WNT2B: variants seen among roughly 807,000 people sequenced by gnomAD.
WNT2B encodes Wnt family member 2B.
A neutral mutation model predicts 40.5 loss-of-function variants in WNT2B; 19 were observed. The ratio of observed to expected loss-of-function variants is 0.47; its 90% CI spans 0.33 to 0.69. The LOEUF (loss-of-function observed/expected upper bound fraction) is 0.69. Among genes scored for constraint, WNT2B ranks in the 30% least tolerant of loss-of-function variants. The pLI, the probability that WNT2B is intolerant of heterozygous loss-of-function variation, is 0.02. For synonymous variants in WNT2B, 220 were observed against 211.9 expected, an observed-to-expected ratio of 1.04 and a Z score of -0.33; for missense variants, 467 against 556.4, an observed-to-expected ratio of 0.84 and a Z score of 1.62.
rs758966099 is a variant in WNT2B at position 112,484,742 on chromosome 1, G to GA, written c.-95+17164dup. Among the ~76,000 whole-genome samples, 310 of 121,552 alleles carry GA rather than the reference G, an allele frequency of 2.6e-3. 1 individual carries two copies. The highest frequency in any genetic ancestry group is 9.5e-3 in the Middle Eastern group (2 of 210). 79.7% of individuals were successfully genotyped at this position (121,552 alleles called of 152,430 possible). ...GGGTGACAGAGCAAGACTCCCTCTT[G>GA]AAAAAAAAAAAAAGGTTTATTTCTT... On this transcript the variant is annotated intron_variant, in intron 1 of 4. Coordinates refer to the WNT2B transcript ENST00000256640.
At chr1:112,506,932 C>T (rs767816693), upstream of WNT2B, among the ~76,000 whole-genome samples, 20 of 152,228 alleles carry the variant, frequency 1.3e-4, no homozygotes, top group Non-Finnish European at 2.6e-4. Context: ...GTGGGGAGCA[C>T]TGCCTCCCAT....
intron 2 of WNT2B, 46 bp from the exon 3 acceptor site, chr1:112,516,094 A>G: frequency 1.9e-6 from 3 of 1,576,340 alleles, no homozygotes; most frequent in Non-Finnish European, 2.6e-6. Flanking sequence ...AAGGGGACAG[A>G]CATGGGCCTC....
At chr1:112,511,032 T>C (rs1219858558) in intron 1 of WNT2B, among the ~76,000 whole-genome samples, 2 of 152,152 alleles carry the variant, frequency 1.3e-5, no homozygotes, top group African/African-American at 2.4e-5. Context: ...GATATAGTCT[T>C]GGGGACCAAT....
In WNT2B at chr1:112,508,972, A is replaced by C; in HGVS notation, c.-291A>C. The C allele has an allele frequency of 1.6e-6, 2 of 1,237,814 alleles. No individual in the cohort carries two copies. Among genetic ancestry groups the C allele is most frequent in the East Asian group, 3.8e-5 (1 of 26,166 alleles). The allele number at this position is 1,237,814 out of a possible 1,614,324, so 76.7% of individuals were successfully genotyped here. On this transcript the variant is annotated 5_prime_UTR_variant, in exon 1 of 5. Coordinates refer to ENST00000369684, the MANE Select transcript of WNT2B (RefSeq NM_024494.3). This position sits in a 1 kb window ranked among gnomAD's most constrained non-coding sequence, Gnocchi z 4.2. ...CGGCCGAAGGGGCTGTCCGCACACT[A>C]GGCCCGCAGCTCCCTTCAGCGCCGC...
In WNT2B at chr1:112,509,542, C is replaced by A; in HGVS notation, c.182+98C>A. 7.4e-7 allele frequency: 1 copy of A among 1,352,328 alleles called. No individual in the cohort carries two copies. Among genetic ancestry groups the A allele is most frequent in the Non-Finnish European group, 9.7e-7 (1 of 1,030,786 alleles). 83.8% of individuals were successfully genotyped at this position (1,352,328 alleles called of 1,614,324 possible). The stretch of plus-strand genomic sequence containing the variant: ...TGCTCACGGGACCAGGCTGTTGCTT[C>A]GACGGGTTGGAGACGATTCGGGCAG... On this transcript the variant is annotated intron_variant, in intron 1 of 4. Transcript: ENST00000369684. The surrounding 1 kb of genome is among the most constrained non-coding windows in gnomAD (Gnocchi z 4.2).
chr1:112,469,316 G>T (rs938044755), intron 1 of WNT2B, among the ~76,000 whole-genome samples: 1 of 152,096 alleles, frequency 6.6e-6, no homozygotes, highest in African/African-American at 2.4e-5. Context: ...TGGCTATTCT[G>T]GCTCTTTTTT....
In WNT2B at chr1:112,521,484, A is replaced by G. The variant is rs1652879813; in HGVS notation, c.*975A>G. 6.6e-6 allele frequency: 1 copy of G among 152,272 alleles called. No individual in the cohort carries two copies. The highest frequency in any genetic ancestry group is 6.5e-5 in the Admixed American group (1 of 15,270). The allele number at this position is 152,272 out of a possible 1,614,324, so 9.4% of individuals were successfully genotyped here. On this transcript the variant is annotated 3_prime_UTR_variant, in exon 5 of 5. Coordinates refer to ENST00000369684, the MANE Select transcript of WNT2B (RefSeq NM_024494.3). Reference sequence around the variant, plus strand: ...CCCACATGAGGCATCAGTATATATTAGGCAGGTAGGGATCTCTGGCTTTGG... The same window carrying G: ...CCCACATGAGGCATCAGTATATATTGGGCAGGTAGGGATCTCTGGCTTTGG...
chr1:112,492,505 T>A (rs1293528264), intron 1 of WNT2B, among the ~76,000 whole-genome samples: 1 of 152,120 alleles, frequency 6.6e-6, no homozygotes, highest in East Asian at 1.9e-4. Context: ...ATATTGTGAG[T>A]TTTACCTCCT....
In WNT2B at chr1:112,527,927, C is replaced by T. The variant is rs1653733889; in HGVS notation, c.*7418C>T. The T allele has an allele frequency of 6.6e-6, 1 of 152,120 alleles. No homozygotes were observed. The highest frequency in any genetic ancestry group is 2.4e-5 in the African/African-American group (1 of 41,402). 9.4% of individuals were successfully genotyped at this position (152,120 alleles called of 1,614,324 possible). A position where few individuals can be genotyped will look rare whatever the true frequency, so the allele number is the denominator to read the frequency against. On this transcript the variant is annotated 3_prime_UTR_variant, in exon 5 of 5. Coordinates refer to ENST00000369684, the MANE Select transcript of WNT2B (RefSeq NM_024494.3). ...ACTCTGGGGAAACTGAAAAGGTCAT[C>T]AATAGGCCTTCAAAATATTTGTGTG... is the stretch of plus-strand genomic sequence containing the variant.
intron 1 of WNT2B, among the ~76,000 whole-genome samples, chr1:112,501,123 G>A (rs1362917445): frequency 6.6e-6 from 1 of 152,172 alleles, no homozygotes. Context: ...CAGTTTTAAG[G>A]AGTACTAGTC....
chr1:112,515,187 C>T lies in WNT2B; in HGVS notation c.403+93C>T. The T allele has an allele frequency of 7.3e-7, 1 of 1,372,764 alleles. No individual in the cohort carries two copies. Among genetic ancestry groups the T allele is most frequent in the Admixed American group, 2.0e-5 (1 of 50,126 alleles). 85.0% of individuals were successfully genotyped at this position (1,372,764 alleles called of 1,614,324 possible). A position where few individuals can be genotyped will look rare whatever the true frequency, so the allele number is the denominator to read the frequency against. On this transcript the variant is annotated intron_variant, in intron 2 of 4. Transcript: ENST00000369684. This position sits in a 1 kb window ranked among gnomAD's most constrained non-coding sequence, Gnocchi z 4.4. Reference sequence around the variant, plus strand: ...TAGGCAAGATCTCCCCTCTCCTCTCCCACACACTGTTTCATCATCAGAGAA... The same window carrying T: ...TAGGCAAGATCTCCCCTCTCCTCTCTCACACACTGTTTCATCATCAGAGAA...
At chr1:112,498,112 T>C (rs1211260409) in intron 1 of WNT2B, among the ~76,000 whole-genome samples, 1 of 151,808 alleles carries the variant, frequency 6.6e-6, no homozygotes, top group Non-Finnish European at 1.5e-5. Context: ...GTGTGTGTTG[T>C]TCCCCTCCTT....
rs142211144 is a variant in WNT2B at position 112,499,811 on chromosome 1, C to T, written c.-94-15063C>T. Among the ~76,000 whole-genome samples, 261 of 152,320 alleles carry T rather than the reference C, an allele frequency of 1.7e-3. 1 individual carries two copies. The highest frequency in any genetic ancestry group is 3.3e-3 in the Non-Finnish European group (225 of 68,026). ...AGACTCCAGAATTGTTTCTAATCAT[C>T]CAACAATCATATATTGTTCACTATT... On this transcript the variant is annotated intron_variant, in intron 1 of 4. Coordinates refer to the WNT2B transcript ENST00000256640.
chr1:112,513,331 G>T (rs1652420401), intron 1 of WNT2B, among the ~76,000 whole-genome samples: 2 of 152,330 alleles, frequency 1.3e-5, no homozygotes, highest in South Asian at 4.1e-4. Flanking sequence ...TTTGTTCCTG[G>T]AAGCTGTTGC....
At chr1:112,499,625 T>C (rs1030303512) in intron 1 of WNT2B, among the ~76,000 whole-genome samples, 2 of 152,180 alleles carry the variant, frequency 1.3e-5, no homozygotes, top group Non-Finnish European at 2.9e-5. Context: ...CAACTAGGAA[T>C]AGAGGTAAAC....
chr1:112,516,270 C>T lies in WNT2B; in HGVS notation c.534C>T (p.Asp178=). The T allele has an allele frequency of 6.2e-7, 1 of 1,614,046 alleles. No individual in the cohort carries two copies. Among genetic ancestry groups the T allele is most frequent in the Non-Finnish European group, 8.5e-7 (1 of 1,180,004 alleles). The change falls in exon 3 of 5, where the codon GAC becomes GAT. Residue 178 remains aspartate (D), a synonymous_variant. Transcript: ENST00000369684. The stretch of plus-strand genomic sequence containing the variant: ...CCTACACCCGTGGCCGACACCATGA[C>T]CAGCGTGGGGACTTTGACTGGGGTG... The part of the protein sequence containing the change: ...CDPYTRGRHH[D]QRGDFDWGGC...
Position 112,526,180 on chromosome 1 carries a change from T to C in WNT2B, c.*5671T>C, listed in dbSNP as rs1653347861. 6.2e-7 allele frequency: 1 copy of C among 1,602,594 alleles called. No individual in the cohort carries two copies. The highest frequency in any genetic ancestry group is 1.3e-5 in the African/African-American group (1 of 74,720). ...GTCCCAGGACAGCCAAGAGAGTATA[T>C]CTGAGCACAGTTTACAAAGGAACAG... On this transcript the variant is annotated 3_prime_UTR_variant, in exon 5 of 5. Transcript: ENST00000369684.
chr1:112,524,213 C>T lies in WNT2B; in HGVS notation c.*3704C>T, dbSNP rs141812668. The T allele has an allele frequency of 2.4e-3, 366 of 152,642 alleles. No homozygotes were observed. The highest frequency in any genetic ancestry group is 8.2e-3 in the African/African-American group (339 of 41,540). 9.5% of individuals were successfully genotyped at this position (152,642 alleles called of 1,614,324 possible). ...CAAATTCTCAGACCCACTCAGGACA[C>T]GAGTCTCTACATGGCTTAACAGAAG... is the stretch of plus-strand genomic sequence containing the variant. On this transcript the variant is annotated 3_prime_UTR_variant, in exon 5 of 5. Coordinates refer to ENST00000369684, the MANE Select transcript of WNT2B (RefSeq NM_024494.3).
upstream of WNT2B, chr1:112,508,682 T>A (rs1652209175): frequency 1.5e-5 from 15 of 982,630 alleles, no homozygotes; most frequent in Non-Finnish European, 1.8e-5. The surrounding 1 kb of genome is among the most constrained non-coding windows in gnomAD (Gnocchi z 4.2). Context: ...GTGGGGCTGC[T>A]GAGTGAAGGG....
Sources: gnomAD v4.1 joint callset for allele counts (sites outside exome capture counted in the v4.1 genomes callset) on GRCh38, gnomAD v4.1.1 for gene constraint, Gnocchi (gnomAD v3.1) non-coding constraint, MANE v1.5 for transcripts, NCBI Gene and HGNC (gene_info 2026-07-23, HGNC 2026-07-21) for gene names.